DPYD: variants seen among roughly 807,000 people sequenced by gnomAD.
The protein encoded by DPYD is dihydropyrimidine dehydrogenase [NADP(+)].
Under a neutral mutation model 116.2 loss-of-function variants are expected in DPYD, and 109 were observed. That is an observed-to-expected ratio of 0.94 (90% CI 0.80 to 1.10). DPYD has a LOEUF of 1.10. Among genes scored for constraint, DPYD ranks in the 50% least tolerant of loss-of-function variants. The pLI is 0.00. For synonymous variants in DPYD, 440 were observed against 432.0 expected (o/e 1.02, Z -0.23); for missense variants, 1,302 against 1,254.5 (o/e 1.04, Z -0.57).
intron 6 of DPYD, among the ~76,000 whole-genome samples, chr1:97,698,059 A>G (rs1006819091): frequency 2.6e-5 from 4 of 151,982 alleles, no homozygotes; most frequent in Non-Finnish European, 5.9e-5. Context: ...TGATATTCTA[A>G]ATCTTTCCAG....
At chr1:97,873,733 A>AGTT (rs1671771976) in intron 2 of DPYD, among the ~76,000 whole-genome samples, 2 of 152,008 alleles carry the variant, frequency 1.3e-5, no homozygotes, top group Non-Finnish European at 2.9e-5. Flanking sequence ...GTTTTGGAAG[A>AGTT]GTAAAGTACA....
At chr1:97,107,113 C>T (rs6686861) in intron 20 of DPYD, among the ~76,000 whole-genome samples, 16,204 of 152,040 alleles carry the variant, frequency 0.11, 1,277 homozygotes, top group African/African-American at 0.22. Flanking sequence ...ACTGCCTCAC[C>T]CTGACTCACA....
intron 13 of DPYD, among the ~76,000 whole-genome samples, chr1:97,514,665 TTC>T (rs1163553475): frequency 6.6e-6 from 1 of 151,872 alleles, no homozygotes; most frequent in Non-Finnish European, 1.5e-5. Context: ...AAAAAATAAC[TTC>T]TCTTTAAATA....
Position 97,234,991 on chromosome 1 carries a change from G to C in DPYD, c.2303C>G (p.Thr768Arg). 6.2e-7 allele frequency: 1 copy of C among 1,613,978 alleles called. No homozygotes were observed. The highest frequency in any genetic ancestry group is 1.1e-5 in the South Asian group (1 of 91,074). Reference sequence around the variant, plus strand: ...TCTCAAAGCAATAGGTCTGATTGCTGTCCCTACACAAAATCAGAATAATCA... The same window carrying C: ...TCTCAAAGCAATAGGTCTGATTGCTCTCCCTACACAAAATCAGAATAATCA... Reference protein sequence around the residue: ...KRTTYGGVSGTAIRPIALRAV... With the variant: ...KRTTYGGVSGRAIRPIALRAV... Residue 768 changes from threonine (T) to arginine (R), a missense_variant, in exon 19 of 23, where the codon ACA becomes AGA. By Grantham distance (71) the Thr-to-Arg change is moderately conservative. Coordinates refer to ENST00000370192, the MANE Select transcript of DPYD (RefSeq NM_000110.4).
At chr1:97,712,943 T>C (rs1662375199) in intron 5 of DPYD, among the ~76,000 whole-genome samples, 1 of 152,056 alleles carries the variant, frequency 6.6e-6, no homozygotes, top group Admixed American at 6.6e-5. Flanking sequence ...GCACTTAAGT[T>C]TATCTTAGAC....
intron 3 of DPYD, among the ~76,000 whole-genome samples, chr1:97,818,086 T>G (rs1317525868): frequency 6.6e-6 from 1 of 152,064 alleles, no homozygotes; most frequent in East Asian, 1.9e-4. Flanking sequence ...TGACCTTGCT[T>G]GGCTCAGAGC....
intron 5 of DPYD, chr1:97,720,550 T>C (rs1432941543): frequency 9.6e-7 from 1 of 1,041,540 alleles, no homozygotes; most frequent in Non-Finnish European, 1.2e-6. Flanking sequence ...AGCTCTTCTT[T>C]AGAATTAACC....
intron 14 of DPYD, among the ~76,000 whole-genome samples, chr1:97,386,592 T>C (rs1448807133): frequency 6.6e-6 from 1 of 152,152 alleles, no homozygotes; most frequent in African/African-American, 2.4e-5. Context: ...AATTACTACA[T>C]GCAAAACTAA....
At position 97,305,346 on chromosome 1, in the gene DPYD, C is replaced by G. The variant is rs368327291; in HGVS notation, c.2212G>C (p.Val738Leu). The G allele has an allele frequency of 9.3e-6, 15 of 1,612,350 alleles. No homozygotes were observed. The African/African-American group carries it at 1.7e-4, about 19-fold the overall frequency. ...GANGVTATNTVSGLMGLKSDG... is the reference protein window; with the variant it reads ...GANGVTATNTLSGLMGLKSDG... ...GATTTTAATCCCATCAGACCTGAGA[C>G]AGTGTTGGTGGCTGTAACGCCATTG... The change falls in exon 18 of 23, where the codon GTC (valine) becomes CTC (leucine). Residue 738 changes from valine to leucine, a missense_variant. Val to Leu is a conservative substitution (Grantham distance 32, BLOSUM62 1). Transcript: ENST00000370192.
chr1:97,366,943 G>A (rs546765193), intron 16 of DPYD, among the ~76,000 whole-genome samples: 2 of 152,180 alleles, frequency 1.3e-5, no homozygotes, highest in African/African-American at 4.8e-5. Context: ...AAAATACTAT[G>A]ACTTTTCAGC....
chr1:97,148,251 T>C (rs114721969), intron 20 of DPYD, among the ~76,000 whole-genome samples: 1 of 74,410 alleles, frequency 1.3e-5, no homozygotes, highest in Non-Finnish European at 2.7e-5. Flanking sequence ...TGTGTGTGTG[T>C]GTGGGGGGGG....
intron 13 of DPYD, among the ~76,000 whole-genome samples, chr1:97,475,281 A>G (rs567749486): frequency 1.1e-4 from 17 of 152,320 alleles, no homozygotes; most frequent in African/African-American, 4.1e-4. Flanking sequence ...TTTGCTATAT[A>G]CCAAAATAAA....
At chr1:97,382,229 T>C (rs1262118997) in intron 15 of DPYD, among the ~76,000 whole-genome samples, 164 bp downstream of exon 15, 1 of 152,196 alleles carries the variant, frequency 6.6e-6, no homozygotes, top group African/African-American at 2.4e-5. Context: ...TTCCATCATT[T>C]TAATGAAAAC....
chr1:97,623,586 T>C lies in DPYD; in HGVS notation c.851-28420A>G, dbSNP rs192314894. On this transcript the variant is annotated intron_variant, in intron 8 of 22. Transcript: ENST00000370192. ...ATCTACAGGTTCAGTGCAATCCCCA[T>C]GAAAATTCCAACTTTAATTTTCATA... 1.4e-4 allele frequency among the ~76,000 whole-genome samples: 21 copies of C among 152,130 alleles called. No homozygotes were observed. The East Asian group carries it at 1.7e-3, about 13-fold the overall frequency.
At chr1:97,764,141 C>T (rs1245170978) in intron 3 of DPYD, among the ~76,000 whole-genome samples, 1 of 150,674 alleles carries the variant, frequency 6.6e-6, no homozygotes, top group Non-Finnish European at 1.5e-5. Context: ...GGAAATAAAA[C>T]CGATGAAGGG....
chr1:97,373,817 AACC>A (rs987560790), intron 15 of DPYD, among the ~76,000 whole-genome samples, 173 bp from the exon 16 acceptor site: 10 of 152,208 alleles, frequency 6.6e-5, no homozygotes, highest in Non-Finnish European at 1.0e-4. Flanking sequence ...TCTATATAAC[AACC>A]ACCACCACAA....
At chr1:97,810,146 G>T (rs1236232622) in intron 3 of DPYD, among the ~76,000 whole-genome samples, 1 of 151,772 alleles carries the variant, frequency 6.6e-6, no homozygotes, top group African/African-American at 2.4e-5. Flanking sequence ...AATTAGCCGG[G>T]TGTGGTGGCG....
intron 21 of DPYD, among the ~76,000 whole-genome samples, chr1:97,095,651 TACAC>T (rs1197917849): frequency 6.6e-6 from 1 of 151,716 alleles, no homozygotes; most frequent in Non-Finnish European, 1.5e-5. Context: ...TATACATATA[TACAC>T]ACACACAGTT....
chr1:97,648,433 A>G (rs977259811), intron 8 of DPYD, among the ~76,000 whole-genome samples: 3 of 152,012 alleles, frequency 2.0e-5, no homozygotes, highest in Non-Finnish European at 4.4e-5. Flanking sequence ...TGTGTTTGAT[A>G]GGAAGCTAAA....
Sources: gnomAD v4.1 joint callset for allele counts (sites outside exome capture counted in the v4.1 genomes callset) on GRCh38, gnomAD v4.1.1 for gene constraint, MANE v1.5 for transcripts, NCBI Gene and HGNC (gene_info 2026-07-23, HGNC 2026-07-21) for gene names.